Variants in SMIM35 observed in about 807,000 individuals in gnomAD.
SMIM35 encodes TMPRSS4 antisense RNA 1 (non-protein coding).
chr11:118,069,789 C>T (rs1283506197), intron 1 of SMIM35, among the ~76,000 whole-genome samples: 2 of 152,118 alleles, frequency 1.3e-5, no homozygotes, highest in African/African-American at 2.4e-5. Flanking sequence ...AGGCCAGGCG[C>T]GGTGGCTCGT....
intron 1 of SMIM35, among the ~76,000 whole-genome samples, chr11:118,080,932 C>G (rs1945078098): frequency 6.6e-6 from 1 of 152,208 alleles, no homozygotes; most frequent in Non-Finnish European, 1.5e-5. Context: ...TTCCCTGGGA[C>G]AGTGAACTCC....
At chr11:118,082,702 A>G (rs543788026) in intron 1 of SMIM35, among the ~76,000 whole-genome samples, 19 of 152,282 alleles carry the variant, frequency 1.2e-4, no homozygotes, top group African/African-American at 3.6e-4. Flanking sequence ...TTTCATACCC[A>G]ATGCTGCTCA....
chr11:118,068,138 C>A (rs1406152739), intron 1 of SMIM35, among the ~76,000 whole-genome samples: 1 of 151,794 alleles, frequency 6.6e-6, no homozygotes, highest in Admixed American at 6.6e-5. Flanking sequence ...ATGTATGATT[C>A]ATCTCCCCGG....
In SMIM35 at chr11:118,026,124, G is replaced by T. The variant is rs528526156; in HGVS notation, c.8-10315C>A. 2.0e-5 allele frequency among the ~76,000 whole-genome samples: 3 copies of T among 152,164 alleles called. No individual in the cohort carries two copies. In the East Asian group the frequency reaches 5.8e-4, roughly 29 times the overall value. On this transcript the variant is annotated intron_variant, in intron 1 of 4. Coordinates refer to ENST00000689828, the MANE Select transcript of SMIM35 (RefSeq NM_001394165.1). ...TTGTAGGTGTGCAGCTTTATTTCTGGGTTCTCTATTCTGTTCCATTGGTCT... is the reference window on the plus strand; with the variant it reads ...TTGTAGGTGTGCAGCTTTATTTCTGTGTTCTCTATTCTGTTCCATTGGTCT...
intron 1 of SMIM35, among the ~76,000 whole-genome samples, chr11:118,034,057 C>A (rs1488066228): frequency 6.6e-6 from 1 of 152,062 alleles, no homozygotes; most frequent in East Asian, 1.9e-4. Context: ...GACCTGAGGT[C>A]AGGAGTTCAA....
chr11:118,043,000 C>CA (rs1944030963), intron 1 of SMIM35, among the ~76,000 whole-genome samples: 1 of 152,204 alleles, frequency 6.6e-6, no homozygotes, highest in African/African-American at 2.4e-5. Flanking sequence ...AGAACTTCCT[C>CA]AACCTGACAA....
chr11:118,004,864 T>C lies in SMIM35; in HGVS notation c.*1546A>G, dbSNP rs2058113661. ...CACAGCCCATCATCAAGGGTGCAGC[T>C]GAGGGCTCCCTTTAGTAAGTTGTCT... On this transcript the variant is annotated 3_prime_UTR_variant, in exon 5 of 5. Transcript: ENST00000689828. The C allele has an allele frequency of 6.6e-6, 1 of 152,170 alleles. No individual in the cohort carries two copies. Among genetic ancestry groups the C allele is most frequent in the Non-Finnish European group, 1.5e-5 (1 of 68,062 alleles). 9.4% of individuals were successfully genotyped at this position (152,170 alleles called of 1,614,324 possible). A position where few individuals can be genotyped will look rare whatever the true frequency, so the allele number is the denominator to read the frequency against.
At chr11:118,073,992 G>C (rs942002680) in intron 1 of SMIM35, among the ~76,000 whole-genome samples, 1 of 152,196 alleles carries the variant, frequency 6.6e-6, no homozygotes, top group Admixed American at 6.5e-5. Flanking sequence ...GAGACCTGTT[G>C]GTCCTTAAAC....
intron 4 of SMIM35, among the ~76,000 whole-genome samples, chr11:118,008,581 G>A (rs1434019337): frequency 2.6e-5 from 4 of 152,236 alleles, no homozygotes; most frequent in East Asian, 1.9e-4. Context: ...TAGAAAAATC[G>A]TCATCTGTGT....
chr11:118,065,688 A>T (rs1490191243), intron 1 of SMIM35, among the ~76,000 whole-genome samples: 11 of 152,134 alleles, frequency 7.2e-5, no homozygotes, highest in Non-Finnish European at 8.8e-5. Context: ...TAAGTAATCA[A>T]TGGGAAACCT....
chr11:118,048,197 A>G (rs1024622235), intron 1 of SMIM35, among the ~76,000 whole-genome samples: 1 of 152,232 alleles, frequency 6.6e-6, no homozygotes, highest in Non-Finnish European at 1.5e-5. Flanking sequence ...GGTTAAAGGA[A>G]GTAATTAATT....
At chr11:118,029,977 C>G (rs2135054648) in intron 1 of SMIM35, 1 of 352,162 alleles carries the variant, frequency 2.8e-6, no homozygotes, top group South Asian at 2.2e-5. Flanking sequence ...TGTTTCCTAA[C>G]TAGAGCCTGG....
chr11:118,056,351 G>A (rs901091004), intron 1 of SMIM35, among the ~76,000 whole-genome samples: 1 of 152,164 alleles, frequency 6.6e-6, no homozygotes, highest in Non-Finnish European at 1.5e-5. Context: ...CAGCAGAACT[G>A]GGGATCAATT....
At chr11:118,069,287 A>G (rs2135137721) in intron 1 of SMIM35, among the ~76,000 whole-genome samples, 1 of 152,300 alleles carries the variant, frequency 6.6e-6, no homozygotes, top group Middle Eastern at 3.4e-3. Context: ...AATGTCAGTA[A>G]ATAATATTCG....
chr11:118,032,912 CA>C (rs2058330600), intron 1 of SMIM35, among the ~76,000 whole-genome samples: 1 of 151,988 alleles, frequency 6.6e-6, no homozygotes, highest in Non-Finnish European at 1.5e-5. Flanking sequence ...TGTCTCAAAA[CA>C]AAAAACAACA....
intron 4 of SMIM35, among the ~76,000 whole-genome samples, chr11:118,013,338 G>A (rs940803169): frequency 4.6e-5 from 7 of 152,348 alleles, no homozygotes; most frequent in African/African-American, 1.2e-4. Flanking sequence ...GGCCAGAGTT[G>A]GCGGGCCATG....
intron 1 of SMIM35, among the ~76,000 whole-genome samples, chr11:118,019,690 A>AT (rs1252755269): frequency 1.3e-5 from 2 of 151,548 alleles, no homozygotes; most frequent in East Asian, 1.9e-4. Flanking sequence ...CATACTCCTT[A>AT]TTTTTTTTCT....
intron 1 of SMIM35, among the ~76,000 whole-genome samples, chr11:118,034,778 A>T (rs2058346423): frequency 6.6e-6 from 1 of 152,170 alleles, no homozygotes; most frequent in Non-Finnish European, 1.5e-5. Context: ...TTCTATATGC[A>T]CCAAGCTATT....
At chr11:118,072,482 C>T (rs909566427) in intron 1 of SMIM35, among the ~76,000 whole-genome samples, 1 of 152,042 alleles carries the variant, frequency 6.6e-6, no homozygotes, top group Non-Finnish European at 1.5e-5. Flanking sequence ...AGCTAGACTC[C>T]GTCCTCAAAA....
Sources: allele counts gnomAD v4.1 joint callset (sites outside exome capture counted in the v4.1 genomes callset), GRCh38; gene constraint gnomAD v4.1.1; transcripts MANE v1.5; gene names NCBI Gene and HGNC (gene_info 2026-07-23, HGNC 2026-07-21).